The following NBAS variants were observed in gnomAD, a reference collection of about 807,000 sequenced individuals.
NBAS encodes NAG/BC035112 fusion.
NBAS carries 219 observed loss-of-function variants against 302.5 expected under a neutral mutation model. The observed-to-expected ratio is 0.72, with a 90% CI of 0.65 to 0.81. The LOEUF (loss-of-function observed/expected upper bound fraction) is 0.81. Among genes scored for constraint, NBAS ranks in the 30% least tolerant of loss-of-function variants. The pLI is 0.00. For synonymous variants in NBAS, 1,118 were observed against 1,021.6 expected (o/e 1.09, Z -1.80); for missense variants, 2,932 against 2,841.6 (o/e 1.03, Z -0.72).
chr2:15,550,648 T>A (rs1448904018), intron 6 of NBAS, among the ~76,000 whole-genome samples: 13 of 151,212 alleles, frequency 8.6e-5, no homozygotes, highest in African/African-American at 3.2e-4. Context: ...GTCCAGTGGC[T>A]CAATCTCGGC....
At chr2:15,534,948 C>T (rs1663413372) in intron 8 of NBAS, among the ~76,000 whole-genome samples, 1 of 152,088 alleles carries the variant, frequency 6.6e-6, no homozygotes, top group Non-Finnish European at 1.5e-5. Context: ...GTTGTAACAG[C>T]ATTATTTGCA....
intron 48 of NBAS, among the ~76,000 whole-genome samples, chr2:15,213,747 C>T (rs1311023923): frequency 6.6e-6 from 1 of 152,128 alleles, no homozygotes; most frequent in Non-Finnish European, 1.5e-5. Context: ...TCTTTGGCCC[C>T]CAGTGATGCC....
chr2:15,264,821 T>G (rs1437427196), intron 44 of NBAS, among the ~76,000 whole-genome samples: 1 of 152,144 alleles, frequency 6.6e-6, no homozygotes, highest in Non-Finnish European at 1.5e-5. Context: ...TAGCATCTGG[T>G]GGAAAGGCTG....
At chr2:15,490,371 G>A (rs1295907005) in intron 11 of NBAS, among the ~76,000 whole-genome samples, 2 of 152,032 alleles carry the variant, frequency 1.3e-5, no homozygotes, top group African/African-American at 4.8e-5. Flanking sequence ...AGATATAACA[G>A]GTTAATCCCA....
chr2:15,488,770 T>C (rs965923237), intron 12 of NBAS, 124 bp downstream of exon 12: 11 of 1,255,620 alleles, frequency 8.8e-6, no homozygotes, highest in Middle Eastern at 2.1e-4. Flanking sequence ...ATTTAAAGGA[T>C]AGAAGAGCTT....
At chr2:15,262,932 G>GCA (rs1027052471) in intron 44 of NBAS, among the ~76,000 whole-genome samples, 11 of 152,116 alleles carry the variant, frequency 7.2e-5, no homozygotes, top group African/African-American at 2.7e-4. Context: ...TTTCCTCAAG[G>GCA]CACATTCAGG....
chr2:14,901,344 GT>G, the NBAS span, among the ~76,000 whole-genome samples: 2 of 151,904 alleles, frequency 1.3e-5, no homozygotes, highest in African/African-American at 4.8e-5. Context: ...AAAATTATAA[GT>G]TTAAAGGAGT....
At chr2:14,780,659 CT>C in the NBAS span, among the ~76,000 whole-genome samples, 1 of 152,328 alleles carries the variant, frequency 6.6e-6, no homozygotes, top group South Asian at 2.1e-4. Context: ...ATGAACCATT[CT>C]GTTTTTGTCT....
At chr2:15,323,205 G>A (rs907003508) in intron 38 of NBAS, among the ~76,000 whole-genome samples, 1 of 152,212 alleles carries the variant, frequency 6.6e-6, no homozygotes, top group Non-Finnish European at 1.5e-5. Flanking sequence ...GACGCACTAA[G>A]AGCATACGCT....
intron 7 of NBAS, 58 bp downstream of exon 7, chr2:15,539,165 T>A: frequency 6.2e-7 from 1 of 1,602,610 alleles, no homozygotes; most frequent in East Asian, 2.2e-5. Flanking sequence ...TTTATTCAAG[T>A]ACCTATACAT....
At chr2:14,865,731 C>G in the NBAS span, among the ~76,000 whole-genome samples, 178 of 152,272 alleles carry the variant, frequency 1.2e-3, no homozygotes, top group African/African-American at 4.2e-3. Context: ...AATACACATA[C>G]AGTGTCTATA....
At chr2:15,431,778 A>G (rs908025273) in intron 21 of NBAS, among the ~76,000 whole-genome samples, 6 of 152,200 alleles carry the variant, frequency 3.9e-5, no homozygotes, top group Non-Finnish European at 8.8e-5. Context: ...AGAGCAAGCT[A>G]CACTAGTAGT....
intron 25 of NBAS, among the ~76,000 whole-genome samples, chr2:15,410,977 C>G (rs1676657360): frequency 6.6e-6 from 1 of 152,190 alleles, no homozygotes; most frequent in Non-Finnish European, 1.5e-5. Context: ...AGGCCTTGAA[C>G]ACGTTCTCCC....
chr2:14,890,873 TTAGAA>T, the NBAS span: 1 of 156,756 alleles, frequency 6.4e-6, no homozygotes, highest in South Asian at 2.0e-4. Context: ...ACATGTTCTC[TTAGAA>T]TAGCAGGCAC....
In NBAS at chr2:15,331,291, G is replaced by T. The variant is rs547123196; in HGVS notation, c.4180-526C>A. 3.3e-5 allele frequency among the ~76,000 whole-genome samples: 5 copies of T among 152,198 alleles called. 1 individual carries two copies. In the South Asian group the frequency reaches 1.0e-3, roughly 32 times the overall value. On this transcript the variant is annotated intron_variant, in intron 35 of 51. Coordinates refer to ENST00000281513, the MANE Select transcript of NBAS (RefSeq NM_015909.4). ...TGTTTGATGGGTTTATAATGTGTACGGTACCTCCTGCCAATCTTGAAGCAA... is the reference window on the plus strand; with the variant it reads ...TGTTTGATGGGTTTATAATGTGTACTGTACCTCCTGCCAATCTTGAAGCAA...
At chr2:15,307,491 T>C (rs888107961) in intron 40 of NBAS, among the ~76,000 whole-genome samples, 3 of 152,234 alleles carry the variant, frequency 2.0e-5, no homozygotes, top group Non-Finnish European at 4.4e-5. Context: ...CTTGGATTTA[T>C]GTACACAGTG....
the NBAS span, among the ~76,000 whole-genome samples, chr2:15,064,121 A>T: frequency 6.6e-6 from 1 of 152,154 alleles, no homozygotes; most frequent in East Asian, 1.9e-4. Flanking sequence ...AAAACAGGGT[A>T]TTGAAGTCTC....
intron 32 of NBAS, among the ~76,000 whole-genome samples, chr2:15,361,716 C>A (rs1370307414): frequency 6.6e-6 from 1 of 152,070 alleles, no homozygotes; most frequent in East Asian, 1.9e-4. Flanking sequence ...CGGTGGCTCA[C>A]GCCTGTAATC....
At chr2:14,924,479 C>A in the NBAS span, among the ~76,000 whole-genome samples, 1 of 152,262 alleles carries the variant, frequency 6.6e-6, no homozygotes, top group Non-Finnish European at 1.5e-5. Context: ...GGCTTCCCAG[C>A]ATGCATTAAT....
Sources: allele counts gnomAD v4.1 joint callset (sites outside exome capture counted in the v4.1 genomes callset), GRCh38; gene constraint gnomAD v4.1.1; transcripts MANE v1.5; gene names NCBI Gene and HGNC (gene_info 2026-07-23, HGNC 2026-07-21).